Variants in TOP3B observed in about 807,000 individuals in gnomAD.
The protein encoded by TOP3B is DNA topoisomerase III beta.
In TOP3B, 45 loss-of-function variants were observed where a neutral mutation model predicts 93.9. That is an observed-to-expected ratio of 0.48 (90% CI 0.38 to 0.61). TOP3B has a LOEUF of 0.61. Among genes scored for constraint, TOP3B ranks in the 20% least tolerant of loss-of-function variants. The probability of loss-of-function intolerance (pLI) is 0.00; values close to 1 mark genes in which losing one functional copy is unlikely to be tolerated. For synonymous variants in TOP3B, 357 were observed against 472.6 expected (o/e 0.76, Z 3.17); for missense variants, 750 against 1,156.1 (o/e 0.65, Z 5.09).
intron 1 of TOP3B, among the ~76,000 whole-genome samples, chr22:21,979,716 C>A (rs1339805108): frequency 6.6e-6 from 1 of 151,662 alleles, no homozygotes; most frequent in African/African-American, 2.4e-5. Context: ...CCAAGGTGGG[C>A]AGATCACGAG....
chr22:21,959,293 A>G, intron 15 of TOP3B, 61 bp from the exon 16 acceptor site: 1 of 1,600,332 alleles, frequency 6.2e-7, no homozygotes, highest in Non-Finnish European at 8.5e-7. Context: ...AGGCTCCGCA[A>G]CACGTGGTCA....
chr22:21,959,373 G>A (rs2071068087), intron 15 of TOP3B, 141 bp from the exon 16 acceptor site: 1 of 1,491,690 alleles, frequency 6.7e-7, no homozygotes, highest in Admixed American at 2.2e-5. Flanking sequence ...CAGGGCAGCA[G>A]CCCTGTGCGT....
intron 1 of TOP3B, among the ~76,000 whole-genome samples, chr22:21,978,609 G>A (rs2084546176): frequency 6.6e-6 from 1 of 152,086 alleles, no homozygotes; most frequent in Non-Finnish European, 1.5e-5. Flanking sequence ...GGGTGAGTCA[G>A]GAGGGGTAAG....
rs2071649566 is a variant in TOP3B, at chr22:21,971,793, A to G, written c.384+84T>C. ...GTTTACTCCCTCCTTTGGCCCCAGG[A>G]GTGATGTGACTGACTGCTGGTGTCA... On this transcript the variant is annotated intron_variant, in intron 5 of 17. Transcript: ENST00000357179. This position sits in a 1 kb window ranked among gnomAD's most constrained non-coding sequence, Gnocchi z 4.6. 7 of 1,238,324 alleles carry G rather than the reference A, an allele frequency of 5.7e-6. No individual in the cohort carries two copies. The highest frequency in any genetic ancestry group is 8.3e-6 in the Non-Finnish European group (7 of 840,396). The allele number at this position is 1,238,324 out of a possible 1,614,324, so 76.7% of individuals were successfully genotyped here.
At position 21,982,748 on chromosome 22, in the gene TOP3B, T is replaced by C. The variant is rs1033754307; in HGVS notation, c.-117A>G. The C allele has an allele frequency of 6.6e-6, 1 of 152,256 alleles. No individual in the cohort carries two copies. The highest frequency in any genetic ancestry group is 2.4e-5 in the African/African-American group (1 of 41,472). The allele number at this position is 152,256 out of a possible 1,614,324, so 9.4% of individuals were successfully genotyped here. ...CGCTCACCCACAGCCGCACCGCGGA[T>C]CCAGCTCCGGTCCTTGTTCCCGGGG... On this transcript the variant is annotated 5_prime_UTR_variant, in exon 1 of 18. Coordinates refer to ENST00000357179, the MANE Select transcript of TOP3B (RefSeq NM_001282112.2).
rs990376668 is a variant in TOP3B, at chr22:21,971,358, G to C, written c.384+519C>G. On this transcript the variant is annotated intron_variant, in intron 5 of 17. Coordinates refer to ENST00000357179, the MANE Select transcript of TOP3B (RefSeq NM_001282112.2). The surrounding 1 kb of genome is among the most constrained non-coding windows in gnomAD (Gnocchi z 4.6). ...TGGCCACTGTGAGGGCACCATGGCC[G>C]GGGCAAGCATGGGGCATGGGGTGTG... 1.4e-5 allele frequency: 4 copies of C among 284,914 alleles called. No individual in the cohort carries two copies. The highest frequency in any genetic ancestry group is 2.8e-5 in the Non-Finnish European group (4 of 144,086). 17.6% of individuals were successfully genotyped at this position (284,914 alleles called of 1,614,324 possible). A position where few individuals can be genotyped will look rare whatever the true frequency, so the allele number is the denominator to read the frequency against.
At position 21,970,959 on chromosome 22, in the gene TOP3B, G is replaced by T. The variant is rs1293235807; in HGVS notation, c.385-553C>A. The T allele has an allele frequency of 3.3e-6, 4 of 1,214,530 alleles. No individual in the cohort carries two copies. The Admixed American group carries it at 1.1e-4, about 34-fold the overall frequency. The allele number at this position is 1,214,530 out of a possible 1,614,324, so 75.2% of individuals were successfully genotyped here. On this transcript the variant is annotated intron_variant, in intron 5 of 17. Transcript: ENST00000357179. The surrounding 1 kb of genome is among the most constrained non-coding windows in gnomAD (Gnocchi z 4.4). ...GCAGCTCGGGCTAAAGCACAGCAGGGGTCCTGGAGCCGAGACTCACTAGGA... is the reference window on the plus strand; with the variant it reads ...GCAGCTCGGGCTAAAGCACAGCAGGTGTCCTGGAGCCGAGACTCACTAGGA...
Position 21,970,456 on chromosome 22 carries a change from C to T in TOP3B, c.385-50G>A, listed in dbSNP as rs772165790. On this transcript the variant is annotated intron_variant, in intron 5 of 17. Transcript: ENST00000357179. This position sits in a 1 kb window ranked among gnomAD's most constrained non-coding sequence, Gnocchi z 4.4. ...TGACCCACCTCCCAGATCCCTGCCACAGCTCCCCACCCCACTGTGAAGCCT... is the reference window on the plus strand; with the variant it reads ...TGACCCACCTCCCAGATCCCTGCCATAGCTCCCCACCCCACTGTGAAGCCT... 3.7e-5 allele frequency: 58 copies of T among 1,580,884 alleles called. No homozygotes were observed. The highest frequency in any genetic ancestry group is 4.9e-5 in the Non-Finnish European group (57 of 1,159,034).
At chr22:21,978,028 G>A (rs1006516678) in intron 1 of TOP3B, among the ~76,000 whole-genome samples, 8 of 152,012 alleles carry the variant, frequency 5.3e-5, no homozygotes, top group African/African-American at 1.7e-4. Flanking sequence ...GGCTCATGGG[G>A]CTGAGGGAGG....
chr22:21,963,455 C>T lies in TOP3B; in HGVS notation c.1204+468G>A, dbSNP rs931524091. 2 of 176,926 alleles carry T rather than the reference C, an allele frequency of 1.1e-5. No individual in the cohort carries two copies. The highest frequency in any genetic ancestry group is 2.4e-5 in the African/African-American group (1 of 41,784). The allele number at this position is 176,926 out of a possible 1,614,324, so 11.0% of individuals were successfully genotyped here. A position where few individuals can be genotyped will look rare whatever the true frequency, so the allele number is the denominator to read the frequency against. ...CACAACCTCCTGTCCCTGCTTCTGGCGGGACTGCTCTTCAGGCATTGGCCT... is the reference window on the plus strand; with the variant it reads ...CACAACCTCCTGTCCCTGCTTCTGGTGGGACTGCTCTTCAGGCATTGGCCT... On this transcript the variant is annotated intron_variant, in intron 11 of 17. Transcript: ENST00000357179. This position sits in a 1 kb window ranked among gnomAD's most constrained non-coding sequence, Gnocchi z 4.8.
chr22:21,962,155 G>A lies in TOP3B; in HGVS notation c.1525+274C>T, dbSNP rs1007159878. ...GGCATCTGGGCCAATCTTCAGCCTTGTGGGCGTTAGTCGGTGTGTGCACAC... is the reference window on the plus strand; with the variant it reads ...GGCATCTGGGCCAATCTTCAGCCTTATGGGCGTTAGTCGGTGTGTGCACAC... On this transcript the variant is annotated intron_variant, in intron 13 of 17. Transcript: ENST00000357179. 7.9e-6 allele frequency: 11 copies of A among 1,386,534 alleles called. No individual in the cohort carries two copies. In the African/African-American group the frequency reaches 1.3e-4, roughly 16 times the overall value. 85.9% of individuals were successfully genotyped at this position (1,386,534 alleles called of 1,614,324 possible).
chr22:21,974,423 C>T lies in TOP3B; in HGVS notation c.136G>A (p.Ala46Thr). ...CSVHEYTGTF[A>T]GQPVRFKMTS... is the part of the protein sequence containing the mutation. ...ATCTTGAAGCGCACTGGCTGGCCAG[C>T]AAAGGTCCCAGTGTACTCGTGGACT... Residue 46 changes from alanine to threonine, a missense_variant, in exon 3 of 18, where the codon GCT (alanine) becomes ACT (threonine). Ala to Thr is a moderately conservative substitution (Grantham distance 58, BLOSUM62 0). This residue lies in a region of TOP3B where 737 missense variants were observed against 933.7 expected (regional missense o/e 0.79). Coordinates refer to ENST00000357179, the MANE Select transcript of TOP3B (RefSeq NM_001282112.2). 1 of 1,614,186 alleles carries T rather than the reference C, an allele frequency of 6.2e-7. No individual in the cohort carries two copies. Among genetic ancestry groups the T allele is most frequent in the South Asian group, 1.1e-5 (1 of 91,082 alleles).
intron 9 of TOP3B, 86 bp from the exon 10 acceptor site, chr22:21,964,401 T>C (rs1414342081): frequency 3.3e-6 from 5 of 1,528,200 alleles, no homozygotes; most frequent in Admixed American, 3.5e-5. Context: ...GGCTCCCCCA[T>C]TGTGGCCGGC....
Position 21,964,376 on chromosome 22 carries a change from T to C in TOP3B, c.944-61A>G, listed in dbSNP as rs2071331713. The C allele has an allele frequency of 1.5e-5, 24 of 1,593,166 alleles. No individual in the cohort carries two copies. The East Asian group carries it at 4.9e-4, about 33-fold the overall frequency. On this transcript the variant is annotated intron_variant, in intron 9 of 17. Transcript: ENST00000357179. ...CGTGGGGATGGCCAGCTGCCTGCCC[T>C]GGCCTATGCACTCAGGCTCCCCCAT... is the stretch of plus-strand genomic sequence containing the variant.
intron 1 of TOP3B, among the ~76,000 whole-genome samples, chr22:21,980,571 A>G (rs535763399): frequency 6.6e-6 from 1 of 152,334 alleles, no homozygotes; most frequent in South Asian, 2.1e-4. Flanking sequence ...TTTCCTCAAA[A>G]TAAGTAAGTG....
chr22:21,968,457 G>T, intron 7 of TOP3B, 162 bp downstream of exon 7: 4 of 775,094 alleles, frequency 5.2e-6, no homozygotes, highest in Non-Finnish European at 8.2e-6. Context: ...CCCCATGAAG[G>T]CTGGGGTCCC....
chr22:21,962,398 C>A, intron 13 of TOP3B, 31 bp downstream of exon 13: 2 of 1,612,128 alleles, frequency 1.2e-6, no homozygotes, highest in South Asian at 1.1e-5. Flanking sequence ...GGAGACGGAG[C>A]CGGCTCTGGG....
intron 8 of TOP3B, chr22:21,966,425 G>A (rs2071417198): frequency 6.6e-6 from 1 of 152,222 alleles, no homozygotes. Context: ...CCCAGGGGAA[G>A]TACCACTCCT....
At position 21,963,669 on chromosome 22, in the gene TOP3B, T is replaced by C; in HGVS notation, c.1204+254A>G. 1.9e-6 allele frequency: 1 copy of C among 514,828 alleles called. No homozygotes were observed. The highest frequency in any genetic ancestry group is 3.5e-5 in the East Asian group (1 of 28,292). The allele number at this position is 514,828 out of a possible 1,614,324, so 31.9% of individuals were successfully genotyped here. On this transcript the variant is annotated intron_variant, in intron 11 of 17. Coordinates refer to ENST00000357179, the MANE Select transcript of TOP3B (RefSeq NM_001282112.2). This position sits in a 1 kb window ranked among gnomAD's most constrained non-coding sequence, Gnocchi z 4.8. ...CCCCCTCCCCCACACCGCCACTCTCTACCCTGGTTTCATTCATGTCCCCTG... is the reference window on the plus strand; with the variant it reads ...CCCCCTCCCCCACACCGCCACTCTCCACCCTGGTTTCATTCATGTCCCCTG...
Sources: gnomAD v4.1 joint callset for allele counts (sites outside exome capture counted in the v4.1 genomes callset) on GRCh38, gnomAD v4.1.1 for gene constraint, gnomAD v4.1.1 regional missense constraint, Gnocchi (gnomAD v3.1) non-coding constraint, MANE v1.5 for transcripts, NCBI Gene and HGNC (gene_info 2026-07-23, HGNC 2026-07-21) for gene names.